The following CYP2C8 variants were observed in gnomAD, a reference collection of about 807,000 sequenced individuals.
CYP2C8 encodes cytochrome P450 family 2 subfamily C member 8.
CYP2C8 carries 51 observed loss-of-function variants against 41.3 expected under a neutral mutation model. The ratio of observed to expected loss-of-function variants is 1.24; its 90% CI spans 0.99 to 1.56. The LOEUF (loss-of-function observed/expected upper bound fraction) is 1.56, where lower values mean the gene tolerates loss of function less well. CYP2C8 is among the 40% of genes most tolerant of loss of function. CYP2C8 has a pLI of 0.00. For synonymous variants in CYP2C8, 218 were observed against 205.8 expected, an observed-to-expected ratio of 1.06 and a Z score of -0.51; for missense variants, 651 against 579.9, an observed-to-expected ratio of 1.12 and a Z score of -1.26.
intron 5 of CYP2C8, among the ~76,000 whole-genome samples, chr10:95,049,801 C>A (rs977967130): frequency 6.6e-6 from 1 of 152,020 alleles, no homozygotes; most frequent in Non-Finnish European, 1.5e-5. Context: ...GACATCCCCC[C>A]TCTCCTAATC....
At chr10:95,066,145 A>AGTGTGTGT (rs1296689212) in intron 3 of CYP2C8, among the ~76,000 whole-genome samples, 5 of 114,604 alleles carry the variant, frequency 4.4e-5, no homozygotes, top group African/African-American at 1.8e-4. Context: ...AGAGAGAGAG[A>AGTGTGTGT]GAGAGAGAGT....
intron 5 of CYP2C8, among the ~76,000 whole-genome samples, chr10:95,051,428 G>T (rs2033213408): frequency 6.6e-6 from 1 of 152,024 alleles, no homozygotes; most frequent in Admixed American, 6.6e-5. Context: ...AAAGAGAAGG[G>T]AGTAGAAAAT....
rs372227542 is a variant in CYP2C8 at position 95,069,229 on chromosome 10, A to G, written c.168+6T>C. ...AATTGGCTGGAGGAACATAAGGCAG[A>G]CTTACATTGGTGAAAGATTTGCAGA... On this transcript the variant is annotated splice_donor_region_variant and intron_variant, in intron 1 of 8. Transcript: ENST00000371270. The G allele has an allele frequency of 3.1e-6, 5 of 1,614,054 alleles. No individual in the cohort carries two copies. The African/African-American group carries it at 6.7e-5, about 22-fold the overall frequency.
At position 95,046,235 on chromosome 10, in the gene CYP2C8, C is replaced by T. The variant is rs191770120; in HGVS notation, c.820-284G>A. 2.0e-5 allele frequency among the ~76,000 whole-genome samples: 3 copies of T among 152,122 alleles called. No homozygotes were observed. In the East Asian group the frequency reaches 5.8e-4, roughly 29 times the overall value. ...AATAAAAGCAGAAGTATACTGATGCCCTGTCTTACTTCAATTTGTGTTATA... is the reference window on the plus strand; with the variant it reads ...AATAAAAGCAGAAGTATACTGATGCTCTGTCTTACTTCAATTTGTGTTATA... On this transcript the variant is annotated intron_variant, in intron 5 of 8. Coordinates refer to ENST00000371270, the MANE Select transcript of CYP2C8 (RefSeq NM_000770.3).
In CYP2C8 at chr10:95,067,706, G is replaced by A; in HGVS notation, c.169-15C>T. 2 of 1,613,518 alleles carry A rather than the reference G, an allele frequency of 1.2e-6. No individual in the cohort carries two copies. Among genetic ancestry groups the A allele is most frequent in the Non-Finnish European group, 8.5e-7 (1 of 1,179,576 alleles). ...ACTTTTGAGAACTGGGAAAGGAAAT[G>A]CAAATAGCAGCAAAATAAGTCGCTA... On this transcript the variant is annotated splice_polypyrimidine_tract_variant and intron_variant, in intron 1 of 8. Transcript: ENST00000371270.
intron 4 of CYP2C8, among the ~76,000 whole-genome samples, chr10:95,063,056 A>C (rs1311289585): frequency 9.9e-5 from 15 of 152,132 alleles, no homozygotes; most frequent in Admixed American, 9.8e-4. Context: ...CCCTTTCTCA[A>C]TGGCTACCCT....
At chr10:95,047,684 G>A (rs2033136378) in intron 5 of CYP2C8, among the ~76,000 whole-genome samples, 1 of 152,146 alleles carries the variant, frequency 6.6e-6, no homozygotes, top group Non-Finnish European at 1.5e-5. Flanking sequence ...GGATAAAGAA[G>A]AGTAGGGGCA....
At chr10:95,058,672 C>G (rs1318376681) in intron 4 of CYP2C8, among the ~76,000 whole-genome samples, 161 bp from the exon 5 acceptor site, 1 of 151,896 alleles carries the variant, frequency 6.6e-6, no homozygotes, top group African/African-American at 2.4e-5. Context: ...ACTTTAAGTT[C>G]TAGGGTATAT....
At chr10:95,042,427 CACA>C (rs2033022154) in intron 7 of CYP2C8, among the ~76,000 whole-genome samples, 2 of 151,528 alleles carry the variant, frequency 1.3e-5, no homozygotes, top group Non-Finnish European at 2.9e-5. Flanking sequence ...AAAATTATAA[CACA>C]ACAAAATATT....
At chr10:95,037,363 GACAA>G (rs2032906523) in intron 8 of CYP2C8, 54 bp from the exon 9 acceptor site, 16 of 1,473,536 alleles carry the variant, frequency 1.1e-5, no homozygotes, top group Middle Eastern at 2.3e-4. Context: ...CTGTGACTGT[GACAA>G]ACAGTCATTT....
intron 8 of CYP2C8, 143 bp downstream of exon 8, chr10:95,038,754 G>T: frequency 2.7e-6 from 2 of 746,072 alleles, no homozygotes; most frequent in South Asian, 1.6e-5. Flanking sequence ...TGAGGGTGGA[G>T]CACATGGGTG....
At chr10:95,057,080 G>T (rs1263624507) in intron 5 of CYP2C8, among the ~76,000 whole-genome samples, 1 of 152,132 alleles carries the variant, frequency 6.6e-6, no homozygotes, top group Non-Finnish European at 1.5e-5. Flanking sequence ...GCAAGGAAGG[G>T]GTCCTATCTT....
At chr10:95,041,001 ATATCT>A (rs1200091425) in intron 7 of CYP2C8, 1 of 456,236 alleles carries the variant, frequency 2.2e-6, no homozygotes, top group South Asian at 1.5e-5. Flanking sequence ...GCAGACCAAA[ATATCT>A]TATGAATACA....
chr10:95,067,355 T>C lies in CYP2C8; in HGVS notation c.334A>G (p.Ile112Val), dbSNP rs2033592470. 2 of 1,599,292 alleles carry C rather than the reference T, an allele frequency of 1.3e-6. No homozygotes were observed. Among genetic ancestry groups the C allele is most frequent in the East Asian group, 2.3e-5 (1 of 44,084 alleles). The stretch of plus-strand genomic sequence containing the variant: ...CATCTCTTTCCATTGCTGGAAATGA[T>C]TCCTAATAAAAAAAGGGGCAGAAAC... The part of the protein sequence containing the change: ...ISQRITKGLG[I>V]ISSNGKRWKE... Residue 112 changes from isoleucine to valine, a missense_variant and splice_region_variant, in exon 3 of 9, where the codon ATC (isoleucine) becomes GTC (valine). Coordinates refer to ENST00000371270, the MANE Select transcript of CYP2C8 (RefSeq NM_000770.3).
intron 7 of CYP2C8, 61 bp from the exon 8 acceptor site, chr10:95,039,099 T>C: frequency 1.4e-6 from 2 of 1,457,444 alleles, no homozygotes; most frequent in Admixed American, 1.7e-5. Flanking sequence ...GGAGAAGTAG[T>C]GGACATCACG....
intron 3 of CYP2C8, among the ~76,000 whole-genome samples, chr10:95,065,352 G>T (rs1312868573): frequency 6.6e-6 from 1 of 152,134 alleles, no homozygotes; most frequent in Admixed American, 6.6e-5. Flanking sequence ...AGAAAAGTTG[G>T]GGACCTAGAA....
chr10:95,059,399 G>A (rs986000996), intron 4 of CYP2C8, among the ~76,000 whole-genome samples: 1 of 149,942 alleles, frequency 6.7e-6, no homozygotes, highest in Admixed American at 6.6e-5. Flanking sequence ...GGCCAGTGAT[G>A]ATGAGCATTT....
chr10:95,057,682 G>A (rs141895205), intron 5 of CYP2C8, among the ~76,000 whole-genome samples: 4 of 152,180 alleles, frequency 2.6e-5, no homozygotes, highest in Non-Finnish European at 4.4e-5. Flanking sequence ...TTTTAATGAG[G>A]TTGTCAAGAC....
chr10:95,037,884 A>T (rs2032918038), intron 8 of CYP2C8, among the ~76,000 whole-genome samples: 1 of 152,168 alleles, frequency 6.6e-6, no homozygotes, highest in Non-Finnish European at 1.5e-5. Flanking sequence ...TTTCATCTTC[A>T]CACTCTTTAC....
Sources: gnomAD v4.1 joint callset for allele counts (sites outside exome capture counted in the v4.1 genomes callset) on GRCh38, gnomAD v4.1.1 for gene constraint, MANE v1.5 for transcripts, NCBI Gene and HGNC (gene_info 2026-07-23, HGNC 2026-07-21) for gene names.